PDZD2: variants seen among roughly 807,000 people sequenced by gnomAD.
PDZD2 encodes the protein PDZ domain containing 2.
PDZD2 carries 90 observed loss-of-function variants against 220.7 expected under a neutral mutation model. The ratio of observed to expected loss-of-function variants is 0.41; its 90% CI spans 0.34 to 0.49. The LOEUF is 0.49. Ranked by LOEUF, PDZD2 falls within the 20% of genes least tolerant of loss-of-function variation. The pLI is 0.28. For missense variants in PDZD2, 3,174 were observed against 3,608.5 expected (o/e 0.88, Z 3.08); for synonymous variants, 1,375 against 1,450.5 (o/e 0.95, Z 1.18).
chr5:31,882,659 TTAGCTG>T (rs1353823958), intron 2 of PDZD2, among the ~76,000 whole-genome samples: 25 of 152,284 alleles, frequency 1.6e-4, no homozygotes, highest in African/African-American at 6.0e-4. Context: ...AGGCTTGCTT[TTAGCTG>T]TAGTGAATAG....
At chr5:31,847,374 G>C in intron 2 of PDZD2, 1 of 436,040 alleles carries the variant, frequency 2.3e-6, no homozygotes. Context: ...GCTAAGAAAC[G>C]CTTGGTGATA....
At chr5:31,767,123 C>G (rs1212821970) in intron 1 of PDZD2, among the ~76,000 whole-genome samples, 1 of 150,226 alleles carries the variant, frequency 6.7e-6, no homozygotes, top group Non-Finnish European at 1.5e-5. Flanking sequence ...CCTCTGCCCT[C>G]TGGGTTCAAG....
intron 24 of PDZD2, chr5:32,103,951 T>A (rs142684358): frequency 6.6e-6 from 1 of 152,366 alleles, no homozygotes; most frequent in African/African-American, 2.4e-5. Context: ...CTGTGAAAAC[T>A]GCTATGGAAA....
chr5:31,872,696 G>C (rs774117001), intron 2 of PDZD2, among the ~76,000 whole-genome samples: 1 of 151,942 alleles, frequency 6.6e-6, no homozygotes, highest in Admixed American at 6.6e-5. Flanking sequence ...TTGAAACATC[G>C]GCATATTAGT....
At chr5:31,962,928 A>T (rs1310530711) in intron 2 of PDZD2, among the ~76,000 whole-genome samples, 1 of 152,160 alleles carries the variant, frequency 6.6e-6, no homozygotes, top group Non-Finnish European at 1.5e-5. Flanking sequence ...TTGTTTTTCC[A>T]TGCAGGCCCT....
At chr5:31,779,781 G>A (rs570086903) in intron 1 of PDZD2, among the ~76,000 whole-genome samples, 1 of 152,132 alleles carries the variant, frequency 6.6e-6, no homozygotes, top group Admixed American at 6.5e-5. Flanking sequence ...AAATATTTAG[G>A]GAATGAATTG....
chr5:31,876,395 C>A (rs779214514), intron 2 of PDZD2, among the ~76,000 whole-genome samples: 2 of 151,414 alleles, frequency 1.3e-5, no homozygotes, highest in Non-Finnish European at 2.9e-5. Context: ...TGGGTTCAAG[C>A]GACTCTCCTG....
At chr5:31,680,937 C>T in intron 1 of PDZD2, among the ~76,000 whole-genome samples, 1 of 152,152 alleles carries the variant, frequency 6.6e-6, no homozygotes, top group East Asian at 1.9e-4. Flanking sequence ...GCCCCTCGGA[C>T]AATTGCTGAC....
chr5:32,061,749 T>C (rs1278473907), intron 14 of PDZD2, among the ~76,000 whole-genome samples: 1 of 151,928 alleles, frequency 6.6e-6, no homozygotes, highest in East Asian at 1.9e-4. Flanking sequence ...TTCATCTTTA[T>C]TTTTTTTAAA....
At chr5:32,078,638 TAAA>T (rs66500422) in intron 19 of PDZD2, among the ~76,000 whole-genome samples, 10 of 104,916 alleles carry the variant, frequency 9.5e-5, no homozygotes, top group Admixed American at 1.1e-4. Context: ...TCTCAAAAAT[TAAA>T]AAAAAAAAAA....
chr5:32,075,886 A>C (rs1180843202), intron 18 of PDZD2, among the ~76,000 whole-genome samples: 3 of 152,178 alleles, frequency 2.0e-5, no homozygotes, highest in Non-Finnish European at 4.4e-5. Context: ...TTTTGTTTTA[A>C]TAGAAATGCA....
chr5:31,673,504 T>C (rs1451416283), intron 1 of PDZD2, among the ~76,000 whole-genome samples: 2 of 152,064 alleles, frequency 1.3e-5, no homozygotes, highest in Non-Finnish European at 2.9e-5. Flanking sequence ...GAAAGATTGG[T>C]GTGGGATAGA....
At chr5:32,029,213 C>G (rs1446010750) in intron 6 of PDZD2, among the ~76,000 whole-genome samples, 2 of 151,520 alleles carry the variant, frequency 1.3e-5, no homozygotes, top group African/African-American at 2.4e-5. Context: ...AACATTGTCC[C>G]CACGCCCTTA....
intron 5 of PDZD2, among the ~76,000 whole-genome samples, chr5:32,003,919 C>T (rs1369061771): frequency 3.9e-5 from 6 of 152,116 alleles, no homozygotes; most frequent in Non-Finnish European, 5.9e-5. Flanking sequence ...GCCATGTTGG[C>T]CAGGCTGGTC....
intron 6 of PDZD2, among the ~76,000 whole-genome samples, chr5:32,035,205 G>C (rs982743121): frequency 3.3e-5 from 5 of 151,996 alleles, no homozygotes; most frequent in African/African-American, 4.8e-5. Context: ...TTTCTTAAAA[G>C]AGATTACCTA....
At chr5:32,032,149 G>C (rs1755172671) in intron 6 of PDZD2, among the ~76,000 whole-genome samples, 1 of 152,176 alleles carries the variant, frequency 6.6e-6, no homozygotes, top group Non-Finnish European at 1.5e-5. Context: ...AGTAAACGTG[G>C]GGGAGAGCAG....
chr5:31,950,618 G>A (rs984187480), intron 2 of PDZD2, among the ~76,000 whole-genome samples: 4 of 152,152 alleles, frequency 2.6e-5, no homozygotes, highest in Non-Finnish European at 5.9e-5. Flanking sequence ...GTACAAAATT[G>A]AGATATTATA....
chr5:31,963,479 T>C (rs1174509289), intron 2 of PDZD2, among the ~76,000 whole-genome samples: 1 of 152,090 alleles, frequency 6.6e-6, no homozygotes, highest in Non-Finnish European at 1.5e-5. Context: ...CACACACACG[T>C]ACATCTGATT....
intron 1 of PDZD2, among the ~76,000 whole-genome samples, chr5:31,753,821 G>A (rs1751153417): frequency 6.6e-6 from 1 of 152,222 alleles, no homozygotes; most frequent in Admixed American, 6.5e-5. Context: ...TCACAGAGGT[G>A]TTAGGCCTTC....
Sources: allele counts gnomAD v4.1 joint callset (sites outside exome capture counted in the v4.1 genomes callset), GRCh38; gene constraint gnomAD v4.1.1; transcripts MANE v1.5; gene names NCBI Gene and HGNC (gene_info 2026-07-23, HGNC 2026-07-21).